The following ZNF496 variants were observed in gnomAD, a reference collection of about 807,000 sequenced individuals.
The protein encoded by ZNF496 is NSD1 (nuclear receptor binding SET-domain containing 1)-interacting zinc finger protein 1.
A neutral mutation model predicts 58.9 loss-of-function variants in ZNF496; 11 were observed. That is an observed-to-expected ratio of 0.19 (90% confidence interval 0.12 to 0.31). ZNF496 has a LOEUF of 0.31. Ranked by LOEUF, ZNF496 falls within the 10% of genes least tolerant of loss-of-function variation. The pLI is 1.00. For missense variants in ZNF496, 660 were observed against 783.0 expected (o/e 0.84, Z 1.88); for synonymous variants, 338 against 318.2 (o/e 1.06, Z -0.66).
At chr1:247,323,112 G>T in intron 6 of ZNF496, 42 bp downstream of exon 6, 1 of 1,545,732 alleles carries the variant, frequency 6.5e-7, no homozygotes, top group Non-Finnish European at 8.9e-7. Context: ...GCCTACAGAG[G>T]CAAACAGGGG....
In ZNF496 at chr1:247,301,280, C is replaced by G; in HGVS notation, c.1007-4G>C. The G allele has an allele frequency of 6.6e-7, 1 of 1,508,578 alleles. No homozygotes were observed. The highest frequency in any genetic ancestry group is 1.4e-5 in the African/African-American group (1 of 71,818). The allele number at this position is 1,508,578 out of a possible 1,614,324, so 93.4% of individuals were successfully genotyped here. A position where few individuals can be genotyped will look rare whatever the true frequency, so the allele number is the denominator to read the frequency against. ...AGAGATCGCGGGTTGCCGCCAGCTACAGGAAGGCAACATGCAGGTCAGCGA... is the reference window on the plus strand; with the variant it reads ...AGAGATCGCGGGTTGCCGCCAGCTAGAGGAAGGCAACATGCAGGTCAGCGA... On this transcript the variant is annotated splice_polypyrimidine_tract_variant and splice_region_variant and intron_variant, in intron 9 of 9. Transcript: ENST00000682384.
At chr1:247,320,385 A>G (rs753097186) in intron 6 of ZNF496, among the ~76,000 whole-genome samples, 3 of 152,266 alleles carry the variant, frequency 2.0e-5, no homozygotes, top group Non-Finnish European at 4.4e-5. Context: ...CAAAGGTTAC[A>G]TATTATATGA....
In ZNF496 at chr1:247,329,186, C is replaced by T. The variant is rs200547767; in HGVS notation, c.390+3G>A. On this transcript the variant is annotated splice_donor_region_variant and intron_variant, in intron 4 of 9. Coordinates refer to ENST00000682384, the MANE Select transcript of ZNF496 (RefSeq NM_032752.3). The surrounding 1 kb of genome is among the most constrained non-coding windows in gnomAD (Gnocchi z 5.5). ...CCGTCCCAGCCCCACCTCTTCTACTCACCCACTGCCAGGGTCTCCCGGGCT... is the reference window on the plus strand; with the variant it reads ...CCGTCCCAGCCCCACCTCTTCTACTTACCCACTGCCAGGGTCTCCCGGGCT... The T allele has an allele frequency of 1.4e-4, 221 of 1,613,426 alleles. 3 individuals are homozygous for T. The Middle Eastern group carries it at 3.8e-3, about 28-fold the overall frequency.
chr1:247,327,471 T>C (rs1471822405), intron 5 of ZNF496, among the ~76,000 whole-genome samples: 1 of 152,232 alleles, frequency 6.6e-6, no homozygotes, highest in African/African-American at 2.4e-5. Context: ...TGCTGATACA[T>C]TGACTTCAGA....
At chr1:247,324,240 C>T (rs1558157288) in intron 5 of ZNF496, among the ~76,000 whole-genome samples, 2 of 152,196 alleles carry the variant, frequency 1.3e-5, no homozygotes, top group African/African-American at 4.8e-5. Flanking sequence ...TGCATGTTCT[C>T]ACTTAAATGT....
intron 6 of ZNF496, chr1:247,322,845 G>T: frequency 7.9e-7 from 1 of 1,264,354 alleles, no homozygotes; most frequent in Non-Finnish European, 1.1e-6. Context: ...TTTTTCACAA[G>T]AGGGGAACTT....
intron 7 of ZNF496, 32 bp downstream of exon 7, chr1:247,310,292 G>C (rs1489025530): frequency 1.2e-6 from 2 of 1,613,724 alleles, no homozygotes; most frequent in East Asian, 2.2e-5. Flanking sequence ...CAGTTCCCTG[G>C]TCTTGAGGTG....
chr1:247,322,569 G>A, intron 6 of ZNF496: 1 of 418,526 alleles, frequency 2.4e-6, no homozygotes, highest in Non-Finnish European at 4.3e-6. Context: ...CTGGGCTAGA[G>A]AGAGGCGAGT....
intron 9 of ZNF496, among the ~76,000 whole-genome samples, chr1:247,306,305 C>G (rs1659406368): frequency 6.6e-6 from 1 of 151,900 alleles, no homozygotes; most frequent in Non-Finnish European, 1.5e-5. Context: ...AAGCAATTCT[C>G]TCTGCCTCAG....
intron 9 of ZNF496, chr1:247,307,617 C>T (rs888692253): frequency 4.1e-6 from 4 of 985,290 alleles, no homozygotes; most frequent in East Asian, 2.3e-4. Flanking sequence ...CCTTTCAGAT[C>T]TCCCACACTA....
rs1309310949 is a variant in ZNF496 at position 247,300,221 on chromosome 1, G to A, written c.*298C>T. 6 of 277,328 alleles carry A rather than the reference G, an allele frequency of 2.2e-5. No homozygotes were observed. Among genetic ancestry groups the A allele is most frequent in the East Asian group, 6.4e-5 (1 of 15,712 alleles). 17.2% of individuals were successfully genotyped at this position (277,328 alleles called of 1,614,324 possible). A position where few individuals can be genotyped will look rare whatever the true frequency, so the allele number is the denominator to read the frequency against. ...CCCAGTTTTACTCCCCGAGCTTGGGGAGCATGGGCCAAGGGTCTCTAAGAC... is the reference window on the plus strand; with the variant it reads ...CCCAGTTTTACTCCCCGAGCTTGGGAAGCATGGGCCAAGGGTCTCTAAGAC... On this transcript the variant is annotated 3_prime_UTR_variant, in exon 10 of 10. Transcript: ENST00000682384. This position sits in a 1 kb window ranked among gnomAD's most constrained non-coding sequence, Gnocchi z 5.7.
chr1:247,304,047 G>A (rs748258429), intron 9 of ZNF496: 14 of 441,448 alleles, frequency 3.2e-5, no homozygotes, highest in Non-Finnish European at 5.4e-5. Context: ...CAGAAACACT[G>A]CCAGCTGGAA....
chr1:247,300,948 G>A lies in ZNF496; in HGVS notation c.1335C>T (p.Ser445=), dbSNP rs1406279001. The change falls in exon 10 of 10, where the codon AGC becomes AGT. Residue 445 remains serine (S), a synonymous_variant. Transcript: ENST00000682384. This position sits in a 1 kb window ranked among gnomAD's most constrained non-coding sequence, Gnocchi z 5.7. Reference sequence around the variant, plus strand: ...GGTGCCCATCCAGGTCCTCGCTGTCGCTGAACAGCTCCCCGCACACCGAGC... The same window carrying A: ...GGTGCCCATCCAGGTCCTCGCTGTCACTGAACAGCTCCCCGCACACCGAGC... ...HECSVCGELF[S]DSEDLDGHLE... 15 of 1,613,914 alleles carry A rather than the reference G, an allele frequency of 9.3e-6. No homozygotes were observed. Among genetic ancestry groups the A allele is most frequent in the Non-Finnish European group, 1.3e-5 (15 of 1,180,004 alleles).
At chr1:247,301,328 C>T (rs1474245627) in intron 9 of ZNF496, 52 bp from the exon 10 acceptor site, 1 of 1,482,336 alleles carries the variant, frequency 6.7e-7, no homozygotes, top group African/African-American at 1.4e-5. Flanking sequence ...CACATCCCAG[C>T]CCCTATGACC....
At position 247,301,173 on chromosome 1, in the gene ZNF496, G is replaced by A; in HGVS notation, c.1110C>T (p.Tyr370=). Reference sequence around the variant, plus strand: ...TGGGGCTCCCCAGCTCTTCTGTGCAGTACGGGCCATGCTGGGAGTCCTCGT... The same window carrying A: ...TGGGGCTCCCCAGCTCTTCTGTGCAATACGGGCCATGCTGGGAGTCCTCGT... ...SGDEDSQHGP[Y]CTEELGSPTE... The change falls in exon 10 of 10, where the codon TAC becomes TAT. Residue 370 remains tyrosine, a synonymous_variant. Coordinates refer to ENST00000682384, the MANE Select transcript of ZNF496 (RefSeq NM_032752.3). 1 of 1,601,242 alleles carries A rather than the reference G, an allele frequency of 6.2e-7. No individual in the cohort carries two copies. Among genetic ancestry groups the A allele is most frequent in the Non-Finnish European group, 8.5e-7 (1 of 1,172,322 alleles).
chr1:247,320,598 T>C (rs1218686486), intron 6 of ZNF496, among the ~76,000 whole-genome samples: 5 of 152,216 alleles, frequency 3.3e-5, no homozygotes, highest in Non-Finnish European at 7.3e-5. Flanking sequence ...CATTGTACTA[T>C]ATTTATAGAA....
At position 247,323,233 on chromosome 1, in the gene ZNF496, G is replaced by GA; in HGVS notation, c.575-4dup. On this transcript the variant is annotated splice_polypyrimidine_tract_variant and splice_region_variant and intron_variant, in intron 5 of 9. Coordinates refer to ENST00000682384, the MANE Select transcript of ZNF496 (RefSeq NM_032752.3). ...AAGAAGGAAAGCATCTTGCAGAACT[G>GA]AAAGAGATCAGAAAATGGTGTCCTA... is the stretch of plus-strand genomic sequence containing the variant. 1 of 1,613,650 alleles carries GA rather than the reference G, an allele frequency of 6.2e-7. No homozygotes were observed. Among genetic ancestry groups the GA allele is most frequent in the South Asian group, 1.1e-5 (1 of 91,058 alleles).
intron 9 of ZNF496, among the ~76,000 whole-genome samples, chr1:247,302,701 A>G (rs555541600): frequency 1.3e-5 from 2 of 152,088 alleles, no homozygotes; most frequent in African/African-American, 4.8e-5. Context: ...ACCTCGTTCC[A>G]GCCAGACAGC....
At chr1:247,331,161 C>A (rs928639092) in intron 2 of ZNF496, among the ~76,000 whole-genome samples, 2 of 152,236 alleles carry the variant, frequency 1.3e-5, no homozygotes, top group African/African-American at 4.8e-5. Flanking sequence ...CGTCTCCAAC[C>A]AGACGGCCGC....
Sources: allele counts gnomAD v4.1 joint callset (sites outside exome capture counted in the v4.1 genomes callset), GRCh38; gene constraint gnomAD v4.1.1; non-coding constraint Gnocchi (gnomAD v3.1); transcripts MANE v1.5; gene names NCBI Gene and HGNC (gene_info 2026-07-23, HGNC 2026-07-21).